RB1: variants seen among roughly 807,000 people sequenced by gnomAD.
The protein encoded by RB1 is retinoblastoma-associated protein.
A neutral mutation model predicts 135.4 loss-of-function variants in RB1; 18 were observed. That is an observed-to-expected ratio of 0.13 (90% CI 0.09 to 0.20). The LOEUF (loss-of-function observed/expected upper bound fraction) is 0.20. RB1 is among the 10% of genes least tolerant of loss of function. The probability of loss-of-function intolerance (pLI) is 1.00; values close to 1 mark genes in which losing one functional copy is unlikely to be tolerated. For missense variants in RB1, 868 were observed against 1,110.0 expected (o/e 0.78, Z 3.10); for synonymous variants, 365 against 373.2 (o/e 0.98, Z 0.25).
chr13:48,303,992 C>G lies in RB1; in HGVS notation c.80C>G (p.Pro27Arg), dbSNP rs925399787. ...GAACCCCCGGCACCGCCGCCGCCGC[C>G]CCCTCCTGAGGAGGACCCAGAGCAG... ...AAEPPAPPPP[P>R]PPEEDPEQDS... The change falls in exon 1 of 27, where the codon CCC (proline) becomes CGC (arginine). Residue 27 changes from proline to arginine, a missense_variant. By Grantham distance (103) the Pro-to-Arg change is moderately radical (BLOSUM62 -2). Coordinates refer to ENST00000267163, the MANE Select transcript of RB1 (RefSeq NM_000321.3). 7 of 1,498,688 alleles carry G rather than the reference C, an allele frequency of 4.7e-6. No individual in the cohort carries two copies. In the African/African-American group the frequency reaches 1.0e-4, roughly 22 times the overall value. The allele number at this position is 1,498,688 out of a possible 1,614,324, so 92.8% of individuals were successfully genotyped here.
rs1203994501 is a variant in RB1 at position 48,459,848 on chromosome 13, C to T, written c.2106+15C>T. The T allele has an allele frequency of 6.2e-7, 1 of 1,600,146 alleles. No individual in the cohort carries two copies. The highest frequency in any genetic ancestry group is 2.2e-5 in the East Asian group (1 of 44,646). The stretch of plus-strand genomic sequence containing the variant: ...ATTTGGACCAAGTAAGAAAATCAAG[C>T]ACTTCACCTTCTCTCCTCCCTACTT... On this transcript the variant is annotated intron_variant, in intron 20 of 26. Coordinates refer to ENST00000267163, the MANE Select transcript of RB1 (RefSeq NM_000321.3).
At chr13:48,330,023 AG>A (rs1294814409) in intron 2 of RB1, among the ~76,000 whole-genome samples, 1 of 152,178 alleles carries the variant, frequency 6.6e-6, no homozygotes, top group African/African-American at 2.4e-5. Context: ...CAAAAATAAC[AG>A]GAAAACTGGG....
Position 48,319,516 on chromosome 13 carries a change from AG to A in RB1, c.264+12115del. ...TTCTGTGGTGCTTCTGAAGGGCTGC[AG>A]GGGGCTGCTGGCTTCGGGCTGCCCT... On this transcript the variant is annotated intron_variant, in intron 2 of 26. Transcript: ENST00000267163. The surrounding 1 kb of genome is among the most constrained non-coding windows in gnomAD (Gnocchi z 5.0). 3.6e-6 allele frequency: 1 copy of A among 277,428 alleles called. No individual in the cohort carries two copies. Among genetic ancestry groups the A allele is most frequent in the Non-Finnish European group, 7.0e-6 (1 of 142,012 alleles). 17.2% of individuals were successfully genotyped at this position (277,428 alleles called of 1,614,324 possible).
Position 48,412,341 on chromosome 13 carries a change from A to G in RB1, c.1695+30898A>G, listed in dbSNP as rs758202256. 7.4e-6 allele frequency: 12 copies of G among 1,613,296 alleles called. No individual in the cohort carries two copies. The Admixed American group carries it at 1.2e-4, about 16-fold the overall frequency. On this transcript the variant is annotated intron_variant, in intron 17 of 26. Transcript: ENST00000267163. ...ACAATTGGATATTAACCCAAGCACAAACACCATGCTGAACATGCACCCATA... is the reference window on the plus strand; with the variant it reads ...ACAATTGGATATTAACCCAAGCACAGACACCATGCTGAACATGCACCCATA...
chr13:48,427,192 G>A (rs1442902699), intron 17 of RB1, among the ~76,000 whole-genome samples: 3 of 128,736 alleles, frequency 2.3e-5, no homozygotes, highest in Non-Finnish European at 3.3e-5. Context: ...CTCACCTCCA[G>A]CATTGGGGAG....
At chr13:48,372,126 GAGAATGGGAA>G (rs1952764940) in intron 11 of RB1, among the ~76,000 whole-genome samples, 2 of 152,196 alleles carry the variant, frequency 1.3e-5, no homozygotes, top group Admixed American at 6.5e-5. Context: ...TGCTGTTCTA[GAGAATGGGAA>G]AGTATGATTG....
chr13:48,411,911 A>T (rs578126044), intron 17 of RB1: 2 of 1,612,728 alleles, frequency 1.2e-6, no homozygotes, highest in Admixed American at 1.7e-5. Flanking sequence ...CTTCTGGAAA[A>T]TTTTCAAAGC....
At chr13:48,365,973 T>C (rs941124039) in intron 9 of RB1, among the ~76,000 whole-genome samples, 5 of 152,216 alleles carry the variant, frequency 3.3e-5, no homozygotes, top group Non-Finnish European at 5.9e-5. Context: ...AGAGGTGATG[T>C]GATTTCAAAT....
At chr13:48,451,972 T>C (rs144590467) in intron 17 of RB1, among the ~76,000 whole-genome samples, 2 of 152,230 alleles carry the variant, frequency 1.3e-5, no homozygotes, top group African/African-American at 4.8e-5. Context: ...CCCTTGTCAT[T>C]TCTGATTGCG....
rs1032510984 is a variant in RB1, at chr13:48,476,749, C to T, written c.2569C>T (p.Arg857Cys). 3 of 1,613,256 alleles carry T rather than the reference C, an allele frequency of 1.9e-6. No homozygotes were observed. Among genetic ancestry groups the T allele is most frequent in the Non-Finnish European group, 2.5e-6 (3 of 1,179,494 alleles). The change falls in exon 25 of 27, where the codon CGT (arginine) becomes TGT (cysteine). Residue 857 changes from arginine to cysteine, a missense_variant. By Grantham distance (180) the Arg-to-Cys change is radical. Transcript: ENST00000267163. ...AAATCAGATGGTATGTAACAGCGAC[C>T]GTGTGCTCAAAAGAAGTGCTGAAGG... is the stretch of plus-strand genomic sequence containing the variant. ...KINQMVCNSD[R>C]VLKRSAEGSN... is the part of the protein sequence containing the mutation.
At chr13:48,431,985 C>T (rs1443408421) in intron 17 of RB1, among the ~76,000 whole-genome samples, 2 of 151,972 alleles carry the variant, frequency 1.3e-5, no homozygotes, top group African/African-American at 4.8e-5. Flanking sequence ...AAAACAAAAT[C>T]CCTGAGCTTA....
intron 9 of RB1, 125 bp downstream of exon 9, chr13:48,365,096 C>A: frequency 3.3e-6 from 4 of 1,212,380 alleles, no homozygotes; most frequent in East Asian, 2.8e-5. Context: ...AAGAATCTAG[C>A]CAAGTAGAAT....
intron 2 of RB1, among the ~76,000 whole-genome samples, chr13:48,324,735 G>T (rs1952270570): frequency 6.6e-6 from 1 of 152,062 alleles, no homozygotes; most frequent in South Asian, 2.1e-4. Flanking sequence ...CCAGTGGTGG[G>T]ATTGCTGTAT....
At position 48,307,236 on chromosome 13, in the gene RB1, AT is replaced by A. The variant is rs1952088287; in HGVS notation, c.138-41del. Reference sequence around the variant, plus strand: ...AACAAGTATGTACTGAATCAATTTGATTTATAAGTATATGCCAATTATATGA... The same window carrying A: ...AACAAGTATGTACTGAATCAATTTGATTATAAGTATATGCCAATTATATGA... On this transcript the variant is annotated intron_variant, in intron 1 of 26. Coordinates refer to ENST00000267163, the MANE Select transcript of RB1 (RefSeq NM_000321.3). 8 of 1,531,836 alleles carry A rather than the reference AT, an allele frequency of 5.2e-6. No individual in the cohort carries two copies. In the East Asian group the frequency reaches 1.8e-4, roughly 35 times the overall value. 94.9% of individuals were successfully genotyped at this position (1,531,836 alleles called of 1,614,324 possible). A position where few individuals can be genotyped will look rare whatever the true frequency, so the allele number is the denominator to read the frequency against.
At chr13:48,429,259 A>G (rs1227749111) in intron 17 of RB1, 1 of 152,260 alleles carries the variant, frequency 6.6e-6, no homozygotes, top group Non-Finnish European at 1.5e-5. Context: ...GTAAGAAACT[A>G]GAAAGGATTG....
intron 20 of RB1, among the ~76,000 whole-genome samples, chr13:48,461,105 A>C (rs1949402286): frequency 6.6e-6 from 1 of 152,182 alleles, no homozygotes; most frequent in African/African-American, 2.4e-5. Flanking sequence ...ACATCACCAT[A>C]ATCAATTTTA....
chr13:48,379,961 A>T (rs2138141849), intron 14 of RB1, 92 bp from the exon 15 acceptor site: 1 of 716,470 alleles, frequency 1.4e-6, no homozygotes, highest in East Asian at 6.0e-5. Flanking sequence ...ACCATCTAAA[A>T]AAAAAAAAAA....
At chr13:48,328,120 T>C (rs1952303552) in intron 2 of RB1, 1 of 1,017,466 alleles carries the variant, frequency 9.8e-7, no homozygotes, top group Non-Finnish European at 1.6e-6. Flanking sequence ...TGAGATTTTA[T>C]ATTCCACTCC....
At chr13:48,314,290 A>G (rs771015747) in intron 2 of RB1, among the ~76,000 whole-genome samples, 1 of 152,198 alleles carries the variant, frequency 6.6e-6, no homozygotes, top group Non-Finnish European at 1.5e-5. Flanking sequence ...AATTTGCGGA[A>G]TATTGCATTC....
Sources: gnomAD v4.1 joint callset for allele counts (sites outside exome capture counted in the v4.1 genomes callset) on GRCh38, gnomAD v4.1.1 for gene constraint, Gnocchi (gnomAD v3.1) non-coding constraint, MANE v1.5 for transcripts, NCBI Gene and HGNC (gene_info 2026-07-23, HGNC 2026-07-21) for gene names.